DOT1L: variants seen among roughly 807,000 people sequenced by gnomAD.
DOT1L encodes histone-lysine N-methyltransferase, H3 lysine-79 specific.
In DOT1L, 33 loss-of-function variants were observed where a neutral mutation model predicts 153.3. That is an observed-to-expected ratio of 0.22 (90% CI 0.16 to 0.29). The LOEUF (loss-of-function observed/expected upper bound fraction) is 0.29. Among genes scored for constraint, DOT1L ranks in the 10% least tolerant of loss-of-function variants. DOT1L has a pLI of 1.00. For synonymous variants in DOT1L, 1,135 were observed against 965.1 expected (o/e 1.18, Z -3.26); for missense variants, 1,847 against 2,119.9 (o/e 0.87, Z 2.53).
At chr19:2,172,299 C>G (rs535097695) in intron 1 of DOT1L, among the ~76,000 whole-genome samples, 3 of 151,860 alleles carry the variant, frequency 2.0e-5, no homozygotes, top group Admixed American at 1.3e-4. Flanking sequence ...AAGTGATTCC[C>G]CTGCCTCAGC....
In DOT1L at chr19:2,214,501, G is replaced by A; in HGVS notation, c.1828G>A (p.Asp610Asn). 1 of 1,613,134 alleles carries A rather than the reference G, an allele frequency of 6.2e-7. No individual in the cohort carries two copies. Among genetic ancestry groups the A allele is most frequent in the Middle Eastern group, 1.6e-4 (1 of 6,062 alleles). The change falls in exon 19 of 28, where the codon GAC becomes AAC. Residue 610 changes from aspartate to asparagine, a missense_variant. This residue lies in a region of DOT1L where 156 missense variants were observed against 235.7 expected (regional missense o/e 0.66). Transcript: ENST00000398665. ...LKARCEELQL[D>N]WATLSLEKLL... ...GGCTCGCTGCGAGGAGCTGCAGCTG[G>A]ACTGGGCCACGCTGTCGCTGGAGAA...
chr19:2,165,043 C>T (rs1306638352), intron 1 of DOT1L, among the ~76,000 whole-genome samples: 1 of 152,190 alleles, frequency 6.6e-6, no homozygotes, highest in Admixed American at 6.5e-5. Context: ...ACAGAGGCAC[C>T]CCACCGGGTG....
rs375573891 is a variant in DOT1L, at chr19:2,191,746, C to T, written c.493+506C>T. 4.6e-5 allele frequency among the ~76,000 whole-genome samples: 7 copies of T among 152,174 alleles called. No individual in the cohort carries two copies. The East Asian group carries it at 7.8e-4, about 17-fold the overall frequency. ...CCCTCCCTGCATCCCCAGTCTCCCT[C>T]GGCACCCCTGCGTCTGGGCCGTGCC... is the stretch of plus-strand genomic sequence containing the variant. On this transcript the variant is annotated intron_variant, in intron 5 of 27. Transcript: ENST00000398665. The surrounding 1 kb of genome is among the most constrained non-coding windows in gnomAD (Gnocchi z 6.8).
intron 3 of DOT1L, 81 bp downstream of exon 3, chr19:2,186,010 T>C: frequency 7.6e-7 from 1 of 1,311,730 alleles, no homozygotes; most frequent in Non-Finnish European, 1.1e-6. Context: ...ATCCTATAAT[T>C]AGCTCTTCTT....
rs2024562372 is a variant in DOT1L at position 2,230,688 on chromosome 19, T to C, written c.*896T>C. ...GATGAGAATTTATAAATTTCATAGA[T>C]TTGACAGCTTTTATTTTTAGATGGT... On this transcript the variant is annotated 3_prime_UTR_variant, in exon 28 of 28. Coordinates refer to ENST00000398665, the MANE Select transcript of DOT1L (RefSeq NM_032482.3). 2 of 398,018 alleles carry C rather than the reference T, an allele frequency of 5.0e-6. No individual in the cohort carries two copies. The highest frequency in any genetic ancestry group is 1.4e-4 in the South Asian group (1 of 7,278). The allele number at this position is 398,018 out of a possible 1,614,324, so 24.7% of individuals were successfully genotyped here.
At position 2,207,481 on chromosome 19, in the gene DOT1L, C is replaced by G. The variant is rs1361948120; in HGVS notation, c.857-93C>G. On this transcript the variant is annotated intron_variant, in intron 10 of 27. Coordinates refer to ENST00000398665, the MANE Select transcript of DOT1L (RefSeq NM_032482.3). This position sits in a 1 kb window ranked among gnomAD's most constrained non-coding sequence, Gnocchi z 4.5. ...GAAGAGGGAAGACGCGCAGCTCAGG[C>G]TTCTGTCCCCACGCCTGCCCTGGGG... The G allele has an allele frequency of 9.2e-7, 1 of 1,082,468 alleles. No individual in the cohort carries two copies. Among genetic ancestry groups the G allele is most frequent in the African/African-American group, 1.6e-5 (1 of 63,540 alleles). The allele number at this position is 1,082,468 out of a possible 1,614,324, so 67.1% of individuals were successfully genotyped here.
chr19:2,185,979 T>G (rs1428465675), intron 3 of DOT1L, 50 bp downstream of exon 3: 2 of 1,563,496 alleles, frequency 1.3e-6, no homozygotes, highest in Non-Finnish European at 1.8e-6. Flanking sequence ...GACTCGGCTC[T>G]TGGGGAGGAC....
intron 1 of DOT1L, among the ~76,000 whole-genome samples, chr19:2,179,175 G>A (rs960344816): frequency 6.6e-6 from 1 of 152,192 alleles, no homozygotes; most frequent in Non-Finnish European, 1.5e-5. Context: ...GGGTTATACT[G>A]AGGTTCTGCA....
chr19:2,189,659 C>T (rs2144735954), intron 3 of DOT1L, 73 bp from the exon 4 acceptor site: 2 of 1,559,396 alleles, frequency 1.3e-6, no homozygotes, highest in Non-Finnish European at 1.7e-6. Context: ...CTGCCTTATC[C>T]ACATGCTGTC....
In DOT1L at chr19:2,211,060, G is replaced by A. The variant is rs189525946; in HGVS notation, c.1352-39G>A. 7.5e-3 allele frequency: 11,887 copies of A among 1,591,410 alleles called. 112 individuals are homozygous for A. The highest frequency in any genetic ancestry group is 7.2e-3 in the Non-Finnish European group (8,366 of 1,163,328). On this transcript the variant is annotated intron_variant, in intron 14 of 27. Coordinates refer to ENST00000398665, the MANE Select transcript of DOT1L (RefSeq NM_032482.3). ...TGACGCCTCTGCCCACCGCTCTCCCGACCCGCCCTGTGCTGACGCCTGCCC... is the reference window on the plus strand; with the variant it reads ...TGACGCCTCTGCCCACCGCTCTCCCAACCCGCCCTGTGCTGACGCCTGCCC...
At chr19:2,227,669 G>C (rs1044218710) in intron 27 of DOT1L, 31 of 1,274,100 alleles carry the variant, frequency 2.4e-5, no homozygotes, top group Non-Finnish European at 2.9e-5. Context: ...GTGAGCCTGC[G>C]GCTGCTGCTC....
intron 9 of DOT1L, among the ~76,000 whole-genome samples, chr19:2,203,935 C>T (rs1046590319): frequency 1.3e-5 from 2 of 152,242 alleles, no homozygotes; most frequent in African/African-American, 4.8e-5. Flanking sequence ...CCCCCTCTTC[C>T]TCCCAACTGC....
rs140530103 is a variant in DOT1L, at chr19:2,231,806, C to T, written c.*2014C>T. On this transcript the variant is annotated 3_prime_UTR_variant, in exon 28 of 28. Transcript: ENST00000398665. Reference sequence around the variant, plus strand: ...TCTGCCTCCCTCTAGGTGACAGTGGCAGTCCGGGTGCCATCACGGGTCCTG... The same window carrying T: ...TCTGCCTCCCTCTAGGTGACAGTGGTAGTCCGGGTGCCATCACGGGTCCTG... The T allele has an allele frequency of 1.5e-3, 332 of 217,518 alleles. 2 individuals are homozygous for T. The highest frequency in any genetic ancestry group is 6.8e-3 in the African/African-American group (304 of 44,522). The allele number at this position is 217,518 out of a possible 1,614,324, so 13.5% of individuals were successfully genotyped here.
At chr19:2,185,621 T>C (rs1483016285) in intron 2 of DOT1L, among the ~76,000 whole-genome samples, 3 of 151,978 alleles carry the variant, frequency 2.0e-5, no homozygotes, top group East Asian at 3.9e-4. Flanking sequence ...ATACAAAAAT[T>C]AGCCAGGCGT....
chr19:2,165,578 C>T (rs977912845), intron 1 of DOT1L, among the ~76,000 whole-genome samples: 41 of 152,242 alleles, frequency 2.7e-4, no homozygotes, highest in African/African-American at 9.9e-4. Context: ...GGCCGCGCTT[C>T]AGCGCCCCGA....
At chr19:2,167,047 C>G (rs1203344071) in intron 1 of DOT1L, among the ~76,000 whole-genome samples, 1 of 152,112 alleles carries the variant, frequency 6.6e-6, no homozygotes, top group Non-Finnish European at 1.5e-5. Flanking sequence ...TTTTTGCTGA[C>G]TGTAAATCCA....
At position 2,208,583 on chromosome 19, in the gene DOT1L, CGGCGCA is replaced by C. The variant is rs1161599243; in HGVS notation, c.964-350_964-345del. Among the ~76,000 whole-genome samples the C allele has an allele frequency of 2.0e-5, 3 of 152,202 alleles. No homozygotes were observed. The highest frequency in any genetic ancestry group is 7.2e-5 in the African/African-American group (3 of 41,454). On this transcript the variant is annotated intron_variant, in intron 11 of 27. Transcript: ENST00000398665. The surrounding 1 kb of genome is among the most constrained non-coding windows in gnomAD (Gnocchi z 4.4). Reference sequence around the variant, plus strand: ...TCAGCTGCCCTGGCACTGACGCCCTCGGCGCAGCCTCTCGCCTTCTCCTCTGAGGCG... The same window carrying C: ...TCAGCTGCCCTGGCACTGACGCCCTCGCCTCTCGCCTTCTCCTCTGAGGCG...
intron 8 of DOT1L, among the ~76,000 whole-genome samples, chr19:2,202,212 G>T (rs942980091): frequency 1.3e-5 from 2 of 152,182 alleles, no homozygotes; most frequent in African/African-American, 2.4e-5. Context: ...TGGTTCCCCT[G>T]TCCTTGCCAG....
chr19:2,213,671 G>A lies in DOT1L; in HGVS notation c.1659+31G>A, dbSNP rs775656396. On this transcript the variant is annotated intron_variant, in intron 17 of 27. Transcript: ENST00000398665. Reference sequence around the variant, plus strand: ...GGACCCCAGAGGGCAGGTGGCAGGTGGCAGCTGGGGCGCAGGCTGGGGTGG... The same window carrying A: ...GGACCCCAGAGGGCAGGTGGCAGGTAGCAGCTGGGGCGCAGGCTGGGGTGG... 4 of 1,612,058 alleles carry A rather than the reference G, an allele frequency of 2.5e-6. No homozygotes were observed. The African/African-American group carries it at 5.3e-5, about 22-fold the overall frequency.
Sources: allele counts gnomAD v4.1 joint callset (sites outside exome capture counted in the v4.1 genomes callset), GRCh38; gene constraint gnomAD v4.1.1; regional missense constraint gnomAD v4.1.1; non-coding constraint Gnocchi (gnomAD v3.1); transcripts MANE v1.5; gene names NCBI Gene and HGNC (gene_info 2026-07-23, HGNC 2026-07-21).